Variants in TUBGCP2 observed in about 807,000 individuals in gnomAD.
TUBGCP2 encodes tubulin gamma complex component 2.
A neutral mutation model predicts 92.2 loss-of-function variants in TUBGCP2; 55 were observed. That is an observed-to-expected ratio of 0.60 (90% CI 0.48 to 0.75). TUBGCP2 has a LOEUF of 0.75. Ranked by LOEUF, TUBGCP2 falls within the 30% of genes least tolerant of loss-of-function variation. The probability of loss-of-function intolerance (pLI) is 0.00; values close to 1 mark genes in which losing one functional copy is unlikely to be tolerated. For synonymous variants in TUBGCP2, 533 were observed against 505.2 expected (o/e 1.06, Z -0.74); for missense variants, 1,093 against 1,188.9 (o/e 0.92, Z 1.19).
At chr10:133,299,194 A>G (rs1847566940) in intron 4 of TUBGCP2, among the ~76,000 whole-genome samples, 1 of 152,122 alleles carries the variant, frequency 6.6e-6, no homozygotes, top group African/African-American at 2.4e-5. Flanking sequence ...CCTTGCTGCT[A>G]TTGATTCTTG....
chr10:133,283,128 C>T lies in TUBGCP2; in HGVS notation c.2239G>A (p.Val747Ile). 6.2e-7 allele frequency: 1 copy of T among 1,614,210 alleles called. No homozygotes were observed. The highest frequency in any genetic ancestry group is 1.1e-5 in the South Asian group (1 of 91,088). Reference sequence around the variant, plus strand: ...CACACAGACATGAGCTTGGAGAAGACCTTCAGCAGCTCGGGGTTGGTGAGC... The same window carrying T: ...CACACAGACATGAGCTTGGAGAAGATCTTCAGCAGCTCGGGGTTGGTGAGC... ...CMLTNPELLK[V>I]FSKLMSVCVM... Residue 747 changes from valine (V) to isoleucine (I), a missense_variant, in exon 15 of 18, where the codon GTC becomes ATC. By Grantham distance (29) the Val-to-Ile change is conservative. Around this residue, in one of 3 missense-constraint regions of TUBGCP2, gnomAD observed 598 missense variants for 675.5 expected, o/e 0.89. Coordinates refer to ENST00000252936, the MANE Select transcript of TUBGCP2 (RefSeq NM_006659.4).
upstream of TUBGCP2, chr10:133,309,301 A>G: frequency 6.7e-7 from 1 of 1,484,504 alleles, no homozygotes; most frequent in Non-Finnish European, 9.1e-7. Context: ...GGAGCGCGGG[A>G]TGACTGGGGC....
chr10:133,310,470 T>A, upstream of TUBGCP2: 1 of 752,028 alleles, frequency 1.3e-6, no homozygotes, highest in Non-Finnish European at 2.1e-6. Context: ...GCGGCCACCC[T>A]GCCGAAGGGA....
intron 2 of TUBGCP2, chr10:133,300,451 C>T: frequency 4.4e-6 from 1 of 229,670 alleles, no homozygotes; most frequent in South Asian, 5.8e-5. Context: ...GTGGCACTTG[C>T]CTGTGGTCAC....
intron 11 of TUBGCP2, among the ~76,000 whole-genome samples, chr10:133,287,795 A>C (rs1847169196): frequency 6.6e-6 from 1 of 152,146 alleles, no homozygotes; most frequent in African/African-American, 2.4e-5. Context: ...AAAAGAATTA[A>C]CACCACTCCT....
intron 17 of TUBGCP2, 60 bp downstream of exon 17, chr10:133,281,213 G>T: frequency 6.3e-7 from 1 of 1,580,726 alleles, no homozygotes; most frequent in Admixed American, 1.7e-5. Context: ...GGCGGTGCTG[G>T]GCAGGGGCAG....
chr10:133,296,500 CA>C (rs2136130743), intron 5 of TUBGCP2, among the ~76,000 whole-genome samples: 1 of 149,838 alleles, frequency 6.7e-6, no homozygotes, highest in African/African-American at 2.5e-5. Flanking sequence ...TTTTTTGAAA[CA>C]GGGTCTCGCT....
At chr10:133,302,715 G>A (rs1313950120) in intron 2 of TUBGCP2, 77 bp downstream of exon 2, 2 of 1,581,524 alleles carry the variant, frequency 1.3e-6, no homozygotes, top group East Asian at 4.5e-5. Flanking sequence ...CTGACCCAGG[G>A]GTGGGCTCAC....
At position 133,285,384 on chromosome 10, in the gene TUBGCP2, C is replaced by T. The variant is rs757450831; in HGVS notation, c.1895+72G>A. ...GTCCTCTGTGGGACGAGGTGGCCAC[C>T]GCGTGGCACAGTTCTCGCTTCTGCC... is the stretch of plus-strand genomic sequence containing the variant. On this transcript the variant is annotated intron_variant, in intron 12 of 17. Coordinates refer to ENST00000252936, the MANE Select transcript of TUBGCP2 (RefSeq NM_006659.4). This position sits in a 1 kb window ranked among gnomAD's most constrained non-coding sequence, Gnocchi z 6.8. 8.7e-6 allele frequency: 14 copies of T among 1,603,848 alleles called. No homozygotes were observed. The African/African-American group carries it at 1.3e-4, about 15-fold the overall frequency.
At chr10:133,310,132 G>T, upstream of TUBGCP2, 1 of 1,613,068 alleles carries the variant, frequency 6.2e-7, no homozygotes, top group Non-Finnish European at 8.5e-7. Flanking sequence ...AGGGCCAGGG[G>T]TCAGAGGGAG....
rs770382851 is a variant in TUBGCP2, at chr10:133,279,807, GC to G, written c.2667del (p.Pro891ArgfsTer17). 8 of 1,577,138 alleles carry G rather than the reference GC, an allele frequency of 5.1e-6. No homozygotes were observed. The African/African-American group carries it at 1.1e-4, about 21-fold the overall frequency. Reference sequence around the variant, plus strand: ...GCGACCCTGGGTGCAGGAGCCGGGGGCCCCCGCAGGACAGGCACTTGGGGGG... The same window carrying G: ...GCGACCCTGGGTGCAGGAGCCGGGGGCCCCGCAGGACAGGCACTTGGGGGG... ...KATPQVPVLR[G>X]PPAPAPRVAV... On this transcript the variant is annotated frameshift_variant, in exon 18 of 18. Transcript: ENST00000252936. LOFTEE classifies it high-confidence loss of function.
Position 133,283,838 on chromosome 10 carries a change from G to C in TUBGCP2, c.2145+44C>G, listed in dbSNP as rs747423410. On this transcript the variant is annotated intron_variant, in intron 14 of 17. Coordinates refer to ENST00000252936, the MANE Select transcript of TUBGCP2 (RefSeq NM_006659.4). ...TGCACTTCCTGTCTCCCTGTGAAAG[G>C]AAAGTGGCTTTCAAACGTTATTATC... 6.8e-6 allele frequency: 11 copies of C among 1,606,340 alleles called. No homozygotes were observed. In the South Asian group the frequency reaches 1.2e-4, roughly 18 times the overall value.
chr10:133,306,222 C>T (rs1488217182), intron 1 of TUBGCP2, among the ~76,000 whole-genome samples: 4 of 152,186 alleles, frequency 2.6e-5, no homozygotes, highest in African/African-American at 4.8e-5. Context: ...CATGGGAGCC[C>T]TGGACGAGGC....
intron 15 of TUBGCP2, 42 bp from the exon 16 acceptor site, chr10:133,282,384 A>G: frequency 6.4e-7 from 1 of 1,554,638 alleles, no homozygotes; most frequent in Non-Finnish European, 8.7e-7. Flanking sequence ...TGTTAGTTAC[A>G]ACCACAATGC....
Position 133,285,980 on chromosome 10 carries a change from TG to T in TUBGCP2, c.1723-353del, listed in dbSNP as rs1847126213. Among the ~76,000 whole-genome samples the T allele has an allele frequency of 6.6e-6, 1 of 151,968 alleles. No homozygotes were observed. Among genetic ancestry groups the T allele is most frequent in the Non-Finnish European group, 1.5e-5 (1 of 68,014 alleles). On this transcript the variant is annotated intron_variant, in intron 11 of 17. Transcript: ENST00000252936. The surrounding 1 kb of genome is among the most constrained non-coding windows in gnomAD (Gnocchi z 6.8). Reference sequence around the variant, plus strand: ...TAAGCACCAGGCCCAGGTTGAAAAATGAAGCATATTTGACGAGGGACATAAT... The same window carrying T: ...TAAGCACCAGGCCCAGGTTGAAAAATAAGCATATTTGACGAGGGACATAAT...
At chr10:133,309,919 C>T (rs1847949709), upstream of TUBGCP2, 6 of 1,613,486 alleles carry the variant, frequency 3.7e-6, no homozygotes, top group Non-Finnish European at 5.1e-6. Flanking sequence ...CTGCTGGACG[C>T]CCACATCCTG....
At chr10:133,296,158 G>A (rs1213696627) in intron 5 of TUBGCP2, among the ~76,000 whole-genome samples, 1 of 152,220 alleles carries the variant, frequency 6.6e-6, no homozygotes, top group Non-Finnish European at 1.5e-5. Context: ...AGCTGCCCAC[G>A]GCGCCGCAGC....
intron 14 of TUBGCP2, among the ~76,000 whole-genome samples, chr10:133,283,560 C>T (rs1057208650): frequency 1.5e-4 from 23 of 152,212 alleles, no homozygotes; most frequent in African/African-American, 5.3e-4. Flanking sequence ...CCCCCTAGGA[C>T]GGCAGGCAGC....
chr10:133,283,965 T>G lies in TUBGCP2; in HGVS notation c.2062A>C (p.Asn688His), dbSNP rs1395014057. The change falls in exon 14 of 18, where the codon AAC becomes CAC. Residue 688 changes from asparagine to histidine, a missense_variant. Transcript: ENST00000252936. Reference sequence around the variant, plus strand: ...TAGTATTGAATATTCTGGACGAAGTTGAGCATTCGCTGCCGCAGAGTGAAA... The same window carrying G: ...TAGTATTGAATATTCTGGACGAAGTGGAGCATTCGCTGCCGCAGAGTGAAA... ...GAFTLRQRML[N>H]FVQNIQYYMM... 2 of 1,614,110 alleles carry G rather than the reference T, an allele frequency of 1.2e-6. No homozygotes were observed. The highest frequency in any genetic ancestry group is 1.7e-6 in the Non-Finnish European group (2 of 1,180,004).
Sources: gnomAD v4.1 joint callset for allele counts (sites outside exome capture counted in the v4.1 genomes callset) on GRCh38, gnomAD v4.1.1 for gene constraint, gnomAD v4.1.1 regional missense constraint, Gnocchi (gnomAD v3.1) non-coding constraint, MANE v1.5 for transcripts, NCBI Gene and HGNC (gene_info 2026-07-23, HGNC 2026-07-21) for gene names.